Variants in MYO10 observed in about 807,000 individuals in gnomAD.
MYO10 encodes myosin X, also known as unconventional myosin-X.
A neutral mutation model predicts 257.3 loss-of-function variants in MYO10; 133 were observed. The observed-to-expected ratio is 0.52, with a 90% confidence interval of 0.45 to 0.60. The LOEUF (loss-of-function observed/expected upper bound fraction) is 0.60. MYO10 is among the 20% of genes least tolerant of loss of function. MYO10 has a pLI of 0.00. For synonymous variants in MYO10, 1,104 were observed against 1,028.6 expected (o/e 1.07, Z -1.40); for missense variants, 2,399 against 2,635.7 (o/e 0.91, Z 1.97).
intron 2 of MYO10, among the ~76,000 whole-genome samples, chr5:16,843,626 C>G (rs1035217952): frequency 6.6e-6 from 1 of 152,180 alleles, no homozygotes; most frequent in African/African-American, 2.4e-5. Flanking sequence ...CCTTGTCTAA[C>G]TTTCTATCAG....
intron 2 of MYO10, among the ~76,000 whole-genome samples, chr5:16,855,292 T>C (rs185809622): frequency 2.0e-5 from 3 of 152,338 alleles, no homozygotes; most frequent in Non-Finnish European, 2.9e-5. Flanking sequence ...ATCTTAACCA[T>C]TGCAGATAAT....
At chr5:16,708,855 G>C (rs1054313408) in intron 21 of MYO10, among the ~76,000 whole-genome samples, 4 of 152,184 alleles carry the variant, frequency 2.6e-5, no homozygotes, top group Admixed American at 1.3e-4. Context: ...GAGCCACTGT[G>C]CCTGGCTTGC....
chr5:16,718,034 C>T (rs1738954549), intron 19 of MYO10, among the ~76,000 whole-genome samples: 1 of 152,206 alleles, frequency 6.6e-6, no homozygotes, highest in Non-Finnish European at 1.5e-5. Context: ...CTTGGTGGGC[C>T]CCGCACTCGG....
chr5:16,934,344 A>T (rs1416150727), intron 1 of MYO10, among the ~76,000 whole-genome samples: 2 of 152,244 alleles, frequency 1.3e-5, no homozygotes, highest in Admixed American at 6.5e-5. Context: ...TTTTCATCAG[A>T]TTTTCTAAGG....
At chr5:16,776,792 G>A (rs1741225479) in intron 9 of MYO10, among the ~76,000 whole-genome samples, 1 of 152,196 alleles carries the variant, frequency 6.6e-6, no homozygotes, top group Non-Finnish European at 1.5e-5. Context: ...ATTTCTCAGG[G>A]CCTTCCCAGG....
At chr5:16,674,693 T>C (rs1204302031) in intron 35 of MYO10, among the ~76,000 whole-genome samples, 160 bp downstream of exon 35, 1 of 152,058 alleles carries the variant, frequency 6.6e-6, no homozygotes, top group Non-Finnish European at 1.5e-5. Flanking sequence ...GATGGCAGCA[T>C]TCTCTAAGCT....
intron 1 of MYO10, among the ~76,000 whole-genome samples, chr5:16,894,336 T>C (rs995340032): frequency 5.3e-5 from 8 of 152,178 alleles, no homozygotes; most frequent in African/African-American, 1.9e-4. Context: ...GTGGGCTGTC[T>C]GAAGTTTTTT....
At position 16,786,283 on chromosome 5, in the gene MYO10, A is replaced by G. The variant is rs565875207; in HGVS notation, c.468-2814T>C. Among the ~76,000 whole-genome samples the G allele has an allele frequency of 3.3e-5, 5 of 152,340 alleles. No individual in the cohort carries two copies. In the East Asian group the frequency reaches 7.7e-4, roughly 23 times the overall value. On this transcript the variant is annotated intron_variant, in intron 4 of 40. Transcript: ENST00000513610. ...AAACTCTACAGCAGAGGCTTGGTCA[A>G]AGAAAGAAAACCCAGGATTCTCGTC...
chr5:16,785,742 C>T (rs6877702), intron 4 of MYO10, among the ~76,000 whole-genome samples: 106,575 of 151,798 alleles, frequency 0.7, 38,929 homozygotes, highest in Non-Finnish European at 0.81. Context: ...TGGTGGCGCA[C>T]GTCTGTAATC....
intron 2 of MYO10, among the ~76,000 whole-genome samples, chr5:16,848,155 CTTTTT>C (rs371042891): frequency 1.8e-5 from 2 of 113,588 alleles, no homozygotes; most frequent in Non-Finnish European, 1.7e-5. Flanking sequence ...CTACACATTT[CTTTTT>C]TTTTTTTTTT....
At chr5:16,844,960 AC>A (rs199609237) in intron 2 of MYO10, among the ~76,000 whole-genome samples, 2,212 of 149,702 alleles carry the variant, frequency 0.015, 57 homozygotes, top group African/African-American at 0.053. Flanking sequence ...ACACGCACAC[AC>A]ACACACACAC....
At chr5:16,874,308 T>G (rs1230194491) in intron 2 of MYO10, among the ~76,000 whole-genome samples, 2 of 113,178 alleles carry the variant, frequency 1.8e-5, no homozygotes, top group Non-Finnish European at 3.3e-5. Context: ...CACTCCAGCC[T>G]GGGCGACAGA....
Position 16,731,950 on chromosome 5 carries a change from C to A in MYO10, c.1930-20705G>T, listed in dbSNP as rs73755161. Among the ~76,000 whole-genome samples the A allele has an allele frequency of 1.6e-3, 243 of 152,054 alleles. 4 individuals carry two copies. The highest frequency in any genetic ancestry group is 5.8e-3 in the African/African-American group (240 of 41,440). ...AAAAAATGGAAGGCTGAGTGATAAACCAAGCAAGGAAAGAAAATGAGGAAA... is the reference window on the plus strand; with the variant it reads ...AAAAAATGGAAGGCTGAGTGATAAAACAAGCAAGGAAAGAAAATGAGGAAA... On this transcript the variant is annotated intron_variant, in intron 19 of 40. Transcript: ENST00000513610.
chr5:16,734,184 A>C lies in MYO10; in HGVS notation c.1929+20644T>G, dbSNP rs551915852. Among the ~76,000 whole-genome samples, 3 of 152,180 alleles carry C rather than the reference A, an allele frequency of 2.0e-5. No homozygotes were observed. The South Asian group carries it at 6.2e-4, about 32-fold the overall frequency. On this transcript the variant is annotated intron_variant, in intron 19 of 40. Transcript: ENST00000513610. ...AGAAGCAGCAGACAGAAGGCTATTC[A>C]TGAGTGACAGCTTTCTCCTCACCTG...
At chr5:16,828,441 AC>A (rs768074885) in intron 2 of MYO10, among the ~76,000 whole-genome samples, 1 of 151,536 alleles carries the variant, frequency 6.6e-6, no homozygotes, top group Non-Finnish European at 1.5e-5. Context: ...TGAAACCACC[AC>A]CCCCCGTCTC....
Position 16,754,464 on chromosome 5 carries a change from A to T in MYO10, c.1929+364T>A, listed in dbSNP as rs1015305681. On this transcript the variant is annotated intron_variant, in intron 19 of 40. Coordinates refer to ENST00000513610, the MANE Select transcript of MYO10 (RefSeq NM_012334.3). ...AAAAAAGAAGGAAAGAAAGACAAAT[A>T]AAAACTTTAAAAAAAAAATCAGCCA... is the stretch of plus-strand genomic sequence containing the variant. Among the ~76,000 whole-genome samples, 8 of 152,206 alleles carry T rather than the reference A, an allele frequency of 5.3e-5. No homozygotes were observed. In the East Asian group the frequency reaches 1.5e-3, roughly 29 times the overall value.
intron 36 of MYO10, 96 bp from the exon 37 acceptor site, chr5:16,672,921 G>A: frequency 7.1e-7 from 1 of 1,401,310 alleles, no homozygotes. Flanking sequence ...GGGAGCTGCT[G>A]GCACAAGGGC....
chr5:16,898,422 T>C (rs909116782), intron 1 of MYO10, among the ~76,000 whole-genome samples: 2 of 151,376 alleles, frequency 1.3e-5, no homozygotes, highest in African/African-American at 4.9e-5. Context: ...TCTTTTTTTT[T>C]TTTTTTTGAG....
In MYO10 at chr5:16,936,139, G is replaced by T; in HGVS notation, c.-331C>A. 1 of 370,476 alleles carries T rather than the reference G, an allele frequency of 2.7e-6. No homozygotes were observed. Among genetic ancestry groups the T allele is most frequent in the Non-Finnish European group, 4.9e-6 (1 of 203,030 alleles). The allele number at this position is 370,476 out of a possible 1,614,324, so 22.9% of individuals were successfully genotyped here. A position where few individuals can be genotyped will look rare whatever the true frequency, so the allele number is the denominator to read the frequency against. Reference sequence around the variant, plus strand: ...AAGGCGGCGGGGTGCTGGCGAGCGCGGCCCCCTCCCTCTGCGCTCCGGCCG... The same window carrying T: ...AAGGCGGCGGGGTGCTGGCGAGCGCTGCCCCCTCCCTCTGCGCTCCGGCCG... On this transcript the variant is annotated 5_prime_UTR_variant, in exon 1 of 41. Transcript: ENST00000513610.
Sources: gnomAD v4.1 joint callset for allele counts (sites outside exome capture counted in the v4.1 genomes callset) on GRCh38, gnomAD v4.1.1 for gene constraint, MANE v1.5 for transcripts, NCBI Gene and HGNC (gene_info 2026-07-23, HGNC 2026-07-21) for gene names.